CAB39L: variants seen among roughly 807,000 people sequenced by gnomAD.
CAB39L encodes calcium binding protein 39 like, also known as calcium-binding protein 39-like.
CAB39L carries 23 observed loss-of-function variants against 39.1 expected under a neutral mutation model. The ratio of observed to expected loss-of-function variants is 0.59; its 90% CI spans 0.42 to 0.83. The LOEUF (loss-of-function observed/expected upper bound fraction) is 0.83. Ranked by LOEUF, CAB39L falls within the 40% of genes least tolerant of loss-of-function variation. The pLI is 0.00. For missense variants in CAB39L, 366 were observed against 391.9 expected, an observed-to-expected ratio of 0.93 and a Z score of 0.56; for synonymous variants, 126 against 137.2, an observed-to-expected ratio of 0.92 and a Z score of 0.57.
At chr13:49,320,678 C>A (rs1954313105) in intron 10 of CAB39L, among the ~76,000 whole-genome samples, 1 of 152,148 alleles carries the variant, frequency 6.6e-6, no homozygotes, top group African/African-American at 2.4e-5. Context: ...TCTGTATATG[C>A]TCCTGTTACG....
intron 3 of CAB39L, among the ~76,000 whole-genome samples, chr13:49,409,432 A>G (rs912353445): frequency 6.2e-5 from 9 of 146,236 alleles, no homozygotes; most frequent in African/African-American, 2.3e-4. Context: ...GCTTAATAAA[A>G]GAGGTTTTTG....
At chr13:49,312,631 T>G (rs764855456) in intron 10 of CAB39L, among the ~76,000 whole-genome samples, 2 of 152,240 alleles carry the variant, frequency 1.3e-5, no homozygotes, top group African/African-American at 4.8e-5. Context: ...CTAGTGAGCA[T>G]GTTTCTCAGA....
intron 3 of CAB39L, among the ~76,000 whole-genome samples, chr13:49,385,413 A>T (rs1017014487): frequency 6.6e-6 from 1 of 152,218 alleles, no homozygotes; most frequent in East Asian, 1.9e-4. Flanking sequence ...CTGTCTTCGT[A>T]TTAACAATTA....
At chr13:49,431,432 C>T (rs576467189) in intron 3 of CAB39L, among the ~76,000 whole-genome samples, 2 of 152,148 alleles carry the variant, frequency 1.3e-5, no homozygotes, top group East Asian at 3.9e-4. Context: ...AAAGGCTGGG[C>T]GTGGTGGCTC....
chr13:49,415,475 C>G (rs1019163667), intron 3 of CAB39L, among the ~76,000 whole-genome samples: 2 of 151,662 alleles, frequency 1.3e-5, no homozygotes, highest in East Asian at 1.9e-4. Context: ...GAGCCAAGAT[C>G]GTGCCACTGC....
At chr13:49,436,788 T>C (rs1490904307) in intron 1 of CAB39L, among the ~76,000 whole-genome samples, 2 of 152,172 alleles carry the variant, frequency 1.3e-5, no homozygotes, top group African/African-American at 2.4e-5. Context: ...TTTGCAGTTT[T>C]GAATTTGGAT....
Position 49,310,845 on chromosome 13 carries a change from T to C in CAB39L, c.983A>G (p.Gln328Arg). The change falls in exon 11 of 11, where the codon CAG becomes CGG. Residue 328 changes from glutamine to arginine, a missense_variant. Physicochemically the swap from Gln to Arg is conservative, Grantham distance 43. Transcript: ENST00000409308. ...FADEKNYLIK[Q>R]IRDLKKTAP ...GGCCGTTTTCTTCAAGTCTCGGATCTGTTTAATCAAGTAGTTCTTCTCGTC... is the reference window on the plus strand; with the variant it reads ...GGCCGTTTTCTTCAAGTCTCGGATCCGTTTAATCAAGTAGTTCTTCTCGTC... 1 of 1,614,202 alleles carries C rather than the reference T, an allele frequency of 6.2e-7. No homozygotes were observed. Among genetic ancestry groups the C allele is most frequent in the Non-Finnish European group, 8.5e-7 (1 of 1,180,028 alleles).
At position 49,343,967 on chromosome 13, in the gene CAB39L, G is replaced by A. The variant is rs74072504; in HGVS notation, c.624+212C>T. 3.5e-3 allele frequency among the ~76,000 whole-genome samples: 537 copies of A among 152,176 alleles called. 3 individuals carry two copies. The highest frequency in any genetic ancestry group is 0.012 in the African/African-American group (502 of 41,508). ...TTTATTGAGCTTCAGAGCACAACAC[G>A]AAGAGATGTGAAAAAGGTGAAAGCC... On this transcript the variant is annotated intron_variant, in intron 8 of 10. Coordinates refer to ENST00000409308, the MANE Select transcript of CAB39L (RefSeq NM_001079670.3).
intron 5 of CAB39L, among the ~76,000 whole-genome samples, chr13:49,365,860 G>A (rs1296378809): frequency 6.6e-6 from 1 of 152,162 alleles, no homozygotes; most frequent in Admixed American, 6.5e-5. Flanking sequence ...ATATGTTGCA[G>A]TATTGTTCAC....
intron 3 of CAB39L, among the ~76,000 whole-genome samples, chr13:49,429,624 TA>T (rs1957289899): frequency 6.6e-6 from 1 of 152,218 alleles, no homozygotes; most frequent in South Asian, 2.1e-4. Context: ...TGCTGATTTC[TA>T]AAAGCAATTT....
rs561692414 is a variant in CAB39L at position 49,412,263 on chromosome 13, G to A, written c.-32+21055C>T. ...AGTCACTGATAACATAAACAAATCA[G>A]AATTTAAAAACACAATGTTAATTCT... On this transcript the variant is annotated intron_variant, in intron 3 of 10. Transcript: ENST00000409308. 4.0e-5 allele frequency among the ~76,000 whole-genome samples: 6 copies of A among 151,282 alleles called. No individual in the cohort carries two copies. In the South Asian group the frequency reaches 1.3e-3, roughly 32 times the overall value.
chr13:49,419,534 T>C (rs1004810845), intron 3 of CAB39L, among the ~76,000 whole-genome samples: 1 of 152,086 alleles, frequency 6.6e-6, no homozygotes, highest in African/African-American at 2.4e-5. Flanking sequence ...GTCAAGATCA[T>C]ACCACTGCAC....
chr13:49,366,072 G>T (rs1671078085), intron 5 of CAB39L, among the ~76,000 whole-genome samples: 1 of 152,186 alleles, frequency 6.6e-6, no homozygotes, highest in Admixed American at 6.5e-5. Context: ...AACATCAGAT[G>T]TTCTCAGTTA....
chr13:49,421,323 C>T (rs1022959052), intron 3 of CAB39L, among the ~76,000 whole-genome samples: 2 of 152,258 alleles, frequency 1.3e-5, no homozygotes, highest in Admixed American at 6.5e-5. Flanking sequence ...AAACTCCACC[C>T]GACCCCCACC....
chr13:49,395,289 G>A (rs1010876260), intron 3 of CAB39L, among the ~76,000 whole-genome samples: 2 of 149,798 alleles, frequency 1.3e-5, no homozygotes, highest in African/African-American at 4.9e-5. Context: ...AGGCTGGAGT[G>A]CAATGGCATG....
intron 3 of CAB39L, chr13:49,420,270 G>T (rs1203292096): frequency 2.0e-5 from 3 of 152,156 alleles, no homozygotes; most frequent in Non-Finnish European, 4.4e-5. Context: ...AGTAAATTCA[G>T]TTCTGAAAAA....
intron 6 of CAB39L, chr13:49,351,123 T>C: frequency 2.7e-6 from 1 of 372,146 alleles, no homozygotes; most frequent in Non-Finnish European, 4.8e-6. Flanking sequence ...CACTTAGATA[T>C]ACTCAAATAT....
At chr13:49,315,183 C>T (rs915404150) in intron 10 of CAB39L, among the ~76,000 whole-genome samples, 1 of 152,220 alleles carries the variant, frequency 6.6e-6, no homozygotes, top group Non-Finnish European at 1.5e-5. Context: ...GACTCACTCA[C>T]ACAGCAAGTG....
At chr13:49,422,617 A>AT (rs1215728098) in intron 3 of CAB39L, among the ~76,000 whole-genome samples, 10,174 of 143,862 alleles carry the variant, frequency 0.071, 746 homozygotes, top group African/African-American at 0.19. Context: ...TTCTCCCTTA[A>AT]TTTTTTTTTT....
Sources: gnomAD v4.1 joint callset for allele counts (sites outside exome capture counted in the v4.1 genomes callset) on GRCh38, gnomAD v4.1.1 for gene constraint, MANE v1.5 for transcripts, NCBI Gene and HGNC (gene_info 2026-07-23, HGNC 2026-07-21) for gene names.